The following PLAC1 variants were observed in gnomAD, a reference collection of about 807,000 sequenced individuals.
PLAC1 encodes the protein placenta associated 1, also known as placenta-specific protein 1.
For synonymous variants in PLAC1, 68 were observed against 62.1 expected (o/e 1.09, Z -0.44); for missense variants, 136 against 163.2 (o/e 0.83, Z 0.91).
chrX:134,736,396 G>C (rs1464309555), intron 1 of PLAC1, among the ~76,000 whole-genome samples: 1 of 111,444 alleles, frequency 9.0e-6, no homozygotes, highest in Middle Eastern at 4.2e-3. Context: ...ACAACTGCTT[G>C]GGTTTAGGAA....
chrX:134,736,976 T>C lies in PLAC1; in HGVS notation n.90-3457A>G, dbSNP rs147957500. On this transcript the variant is annotated intron_variant and non_coding_transcript_variant, in intron 1 of 2. Coordinates refer to the PLAC1 transcript ENST00000466797. ...TCCAGAAGCCAGTAAGTTGGAGGAGTTTGATTCTACCCAGAGAGAAGTCTA... is the reference window on the plus strand; with the variant it reads ...TCCAGAAGCCAGTAAGTTGGAGGAGCTTGATTCTACCCAGAGAGAAGTCTA... Among the ~76,000 whole-genome samples the C allele has an allele frequency of 9.4e-3, 1,052 of 111,706 alleles. 15 individuals are homozygous for C. Among genetic ancestry groups the C allele is most frequent in the African/African-American group, 0.033 (999 of 30,720 alleles).
At chrX:134,586,884 A>T (rs1285947728) in intron 2 of PLAC1, among the ~76,000 whole-genome samples, 2 of 55,887 alleles carry the variant, frequency 3.6e-5, no homozygotes, top group Non-Finnish European at 7.9e-5. Context: ...TTTGGTAGAG[A>T]TGGGGTTTCA....
intron 2 of PLAC1, among the ~76,000 whole-genome samples, chrX:134,699,285 G>A (rs2078574734): frequency 9.0e-6 from 1 of 111,260 alleles, no homozygotes; most frequent in African/African-American, 3.3e-5. Flanking sequence ...TTCAAAAAAG[G>A]GCTCGATAGA....
At chrX:134,668,880 T>C (rs950659908) in intron 2 of PLAC1, among the ~76,000 whole-genome samples, 6 of 112,638 alleles carry the variant, frequency 5.3e-5, no homozygotes, top group Non-Finnish European at 7.5e-5. Flanking sequence ...AGCAAGTACA[T>C]TGTGGTCTTT....
intron 2 of PLAC1, among the ~76,000 whole-genome samples, chrX:134,685,039 C>A (rs2078511583): frequency 8.9e-6 from 1 of 112,281 alleles, no homozygotes; most frequent in Non-Finnish European, 1.9e-5. Flanking sequence ...TGACTAGCTG[C>A]TCCAGAGGGC....
In PLAC1 at chrX:134,592,052, G is replaced by GACACAT. The variant is rs761917442; in HGVS notation, c.-59+9998_-59+9999insATGTGT. On this transcript the variant is annotated intron_variant, in intron 2 of 2. Transcript: ENST00000359237. Reference sequence around the variant, plus strand: ...TATTCTAGATATGTGTCAGTTGTCAGATGTGTGGTTTGAAAATATTTTCTC... The same window carrying GACACAT: ...TATTCTAGATATGTGTCAGTTGTCAGACACATATGTGTGGTTTGAAAATATTTTCTC... Among the ~76,000 whole-genome samples the GACACAT allele has an allele frequency of 2.1e-4, 23 of 111,712 alleles. No homozygotes were observed. In the South Asian group the frequency reaches 8.6e-3, roughly 42 times the overall value.
chrX:134,635,975 A>G (rs2078281630), intron 1 of PLAC1, among the ~76,000 whole-genome samples: 1 of 112,488 alleles, frequency 8.9e-6, no homozygotes, highest in South Asian at 3.7e-4. Flanking sequence ...AAACTGGAAC[A>G]CTTTTGTGGG....
rs33954763 is a variant in PLAC1, at chrX:134,576,535, CAA to C, written c.-58-9797_-58-9796del. On this transcript the variant is annotated intron_variant, in intron 2 of 2. Transcript: ENST00000359237. ...TGGGCGACAGAGTGAGACTCTGTCT[CAA>C]AAAAAAAAAAAAAAAATTGTGTCCT... Among the ~76,000 whole-genome samples, 374 of 60,219 alleles carry C rather than the reference CAA, an allele frequency of 6.2e-3. 2 individuals are homozygous for C. Among genetic ancestry groups the C allele is most frequent in the Admixed American group, 0.042 (231 of 5,492 alleles). The allele number at this position is 60,219 out of a possible 115,157, so 52.3% of individuals were successfully genotyped here.
At chrX:134,698,460 A>C (rs1242976848) in intron 2 of PLAC1, among the ~76,000 whole-genome samples, 1 of 112,044 alleles carries the variant, frequency 8.9e-6, no homozygotes, top group Non-Finnish European at 1.9e-5. Flanking sequence ...GTCTCAAAAA[A>C]GAAAAAAATA....
Position 134,736,169 on chromosome X carries a change from G to A in PLAC1, n.90-2650C>T, listed in dbSNP as rs540338573. The stretch of plus-strand genomic sequence containing the variant: ...CATGCGCCTGTAGTCCCAGCTACTC[G>A]GCAGGCTGAGGCAGGAGAATCGCTT... On this transcript the variant is annotated intron_variant and non_coding_transcript_variant, in intron 1 of 2. Coordinates refer to the PLAC1 transcript ENST00000466797. Among the ~76,000 whole-genome samples, 51 of 109,742 alleles carry A rather than the reference G, an allele frequency of 4.6e-4. 1 individual carries two copies. The South Asian group carries it at 0.019, about 42-fold the overall frequency.
chrX:134,734,507 C>A (rs1206013838), intron 1 of PLAC1, among the ~76,000 whole-genome samples: 1 of 112,389 alleles, frequency 8.9e-6, no homozygotes, highest in Non-Finnish European at 1.9e-5. Context: ...GGCTGGCATA[C>A]AGGGGCCTTA....
intron 2 of PLAC1, among the ~76,000 whole-genome samples, chrX:134,675,324 C>T (rs1461151769): frequency 1.8e-5 from 2 of 112,512 alleles, no homozygotes; most frequent in Non-Finnish European, 3.8e-5. Context: ...TTGCTTTGTC[C>T]CCCCACAGGC....
At chrX:134,715,077 C>T (rs984426464) in intron 2 of PLAC1, among the ~76,000 whole-genome samples, 1 of 112,100 alleles carries the variant, frequency 8.9e-6, no homozygotes, top group Admixed American at 9.5e-5. Flanking sequence ...AGATCAGTTG[C>T]TAAGCACTTG....
At chrX:134,651,040 C>A in intron 1 of PLAC1, 3 of 256,888 alleles carry the variant, frequency 1.2e-5, no homozygotes, top group South Asian at 1.1e-4. Context: ...CGACTGAAAT[C>A]TTCCCAGAAA....
intron 2 of PLAC1, among the ~76,000 whole-genome samples, chrX:134,592,599 T>A (rs2078043480): frequency 9.0e-6 from 1 of 111,036 alleles, no homozygotes; most frequent in Non-Finnish European, 1.9e-5. Flanking sequence ...CAACATTAAC[T>A]CTTCCCTGAG....
intron 2 of PLAC1, among the ~76,000 whole-genome samples, chrX:134,600,534 C>T (rs755773346): frequency 2.7e-5 from 3 of 110,941 alleles, no homozygotes; most frequent in South Asian, 7.7e-4. Context: ...TGACCACTGC[C>T]GTAACCATCC....
intron 1 of PLAC1, among the ~76,000 whole-genome samples, chrX:134,608,981 C>CTT (rs11415313): frequency 2.8e-5 from 3 of 107,825 alleles, no homozygotes; most frequent in Non-Finnish European, 5.8e-5. Context: ...GCCTCTTTTT[C>CTT]TTTTTTTAGA....
chrX:134,763,586 C>T (rs1280917443), intron 1 of PLAC1, among the ~76,000 whole-genome samples: 1 of 110,572 alleles, frequency 9.0e-6, no homozygotes, highest in Non-Finnish European at 1.9e-5. Context: ...TTTGGGAGGC[C>T]GAGGCAGGCG....
intron 1 of PLAC1, among the ~76,000 whole-genome samples, chrX:134,757,081 C>A (rs1348267712): frequency 1.8e-5 from 2 of 112,190 alleles, no homozygotes; most frequent in African/African-American, 6.5e-5. Flanking sequence ...GGAAAACGTA[C>A]CTTTGCAGCC....
Sources: gnomAD v4.1 joint callset for allele counts (sites outside exome capture counted in the v4.1 genomes callset) on GRCh38, gnomAD v4.1.1 for gene constraint, MANE v1.5 for transcripts, NCBI Gene and HGNC (gene_info 2026-07-23, HGNC 2026-07-21) for gene names.